Variants in GRIN2A observed in about 807,000 individuals in gnomAD.
The protein encoded by GRIN2A is glutamate ionotropic receptor NMDA type subunit 2A.
A neutral mutation model predicts 113.4 loss-of-function variants in GRIN2A; 22 were observed. The observed-to-expected ratio is 0.19, with a 90% CI of 0.14 to 0.28. GRIN2A has a LOEUF of 0.28. Ranked by LOEUF, GRIN2A falls within the 10% of genes least tolerant of loss-of-function variation. The pLI, the probability that GRIN2A is intolerant of heterozygous loss-of-function variation, is 1.00. For missense variants in GRIN2A, 1,502 were observed against 1,887.0 expected (o/e 0.80, Z 3.78); for synonymous variants, 827 against 738.4 (o/e 1.12, Z -1.94).
At chr16:9,848,005 A>G (rs972436589) in intron 5 of GRIN2A, among the ~76,000 whole-genome samples, 1 of 146,356 alleles carries the variant, frequency 6.8e-6, no homozygotes, top group Non-Finnish European at 1.5e-5. Context: ...ATAAAAATAT[A>G]TTGGTTTCTA....
intron 10 of GRIN2A, among the ~76,000 whole-genome samples, chr16:9,804,578 G>A (rs1397608414): frequency 6.6e-6 from 1 of 152,056 alleles, no homozygotes; most frequent in African/African-American, 2.4e-5. Flanking sequence ...TGCCTGTGAT[G>A]AGGACAGAGA....
chr16:10,181,065 A>G (rs1567355541), intron 1 of GRIN2A, among the ~76,000 whole-genome samples: 1 of 148,364 alleles, frequency 6.7e-6, no homozygotes, highest in Non-Finnish European at 1.5e-5. Flanking sequence ...GTACACCCCA[A>G]GTGCTTGGGA....
intron 2 of GRIN2A, among the ~76,000 whole-genome samples, chr16:10,074,935 T>C (rs181147851): frequency 4.1e-4 from 63 of 152,332 alleles, no homozygotes; most frequent in African/African-American, 1.3e-3. Flanking sequence ...TTGACCAATT[T>C]CTCCTTGCTG....
chr16:9,976,119 T>G (rs2045769191), intron 2 of GRIN2A, among the ~76,000 whole-genome samples: 1 of 152,224 alleles, frequency 6.6e-6, no homozygotes, highest in Non-Finnish European at 1.5e-5. Flanking sequence ...CTTTTTAAAA[T>G]GTAATTAAGC....
At chr16:10,021,953 C>A (rs2046733301) in intron 2 of GRIN2A, among the ~76,000 whole-genome samples, 1 of 152,142 alleles carries the variant, frequency 6.6e-6, no homozygotes, top group Non-Finnish European at 1.5e-5. Flanking sequence ...CCTCTCTGAG[C>A]CTCAGTTTTC....
At chr16:9,956,241 T>A (rs928947869) in intron 2 of GRIN2A, among the ~76,000 whole-genome samples, 1 of 152,226 alleles carries the variant, frequency 6.6e-6, no homozygotes, top group Non-Finnish European at 1.5e-5. Flanking sequence ...TTTGTTTCTG[T>A]TATTTTCATG....
intron 7 of GRIN2A, 63 bp downstream of exon 7, chr16:9,840,584 G>A (rs2042655988): frequency 4.0e-6 from 6 of 1,487,904 alleles, no homozygotes; most frequent in Non-Finnish European, 4.7e-6. Context: ...CCCATCCTCT[G>A]AGCAAACAAG....
chr16:9,960,434 G>C (rs983382116), intron 2 of GRIN2A, among the ~76,000 whole-genome samples: 3 of 152,074 alleles, frequency 2.0e-5, no homozygotes, highest in Admixed American at 6.6e-5. Flanking sequence ...ACATTTTCTT[G>C]CTTCTGCTTT....
intron 2 of GRIN2A, among the ~76,000 whole-genome samples, chr16:10,050,217 C>A (rs2047334037): frequency 6.6e-6 from 1 of 152,094 alleles, no homozygotes; most frequent in African/African-American, 2.4e-5. Context: ...ACACTTCTAG[C>A]CTTGAAGATG....
At chr16:9,920,434 A>G (rs1284054224) in intron 3 of GRIN2A, among the ~76,000 whole-genome samples, 1 of 152,218 alleles carries the variant, frequency 6.6e-6, no homozygotes, top group Admixed American at 6.5e-5. Flanking sequence ...AAGATTTATT[A>G]AAGTCAAGAT....
At chr16:9,811,432 T>C (rs1324795523) in intron 10 of GRIN2A, among the ~76,000 whole-genome samples, 1 of 152,188 alleles carries the variant, frequency 6.6e-6, no homozygotes, top group Non-Finnish European at 1.5e-5. Flanking sequence ...TGAGGTCACA[T>C]GTTTGAAGTT....
chr16:9,808,077 T>A, intron 10 of GRIN2A, among the ~76,000 whole-genome samples: 1 of 152,240 alleles, frequency 6.6e-6, no homozygotes, highest in Admixed American at 6.5e-5. Context: ...AGGTCAGACC[T>A]AACCATTCTG....
At chr16:10,141,413 G>A (rs1484592024) in intron 2 of GRIN2A, among the ~76,000 whole-genome samples, 3 of 152,102 alleles carry the variant, frequency 2.0e-5, no homozygotes, top group South Asian at 2.1e-4. Flanking sequence ...GCTTGAGCCC[G>A]GGAGGCAGAG....
intron 4 of GRIN2A, among the ~76,000 whole-genome samples, chr16:9,867,053 C>G (rs919885855): frequency 1.3e-5 from 2 of 152,118 alleles, no homozygotes; most frequent in Admixed American, 1.3e-4. Flanking sequence ...CCGATTCCAA[C>G]TTAGACCTCT....
chr16:9,925,571 C>T (rs926276092), intron 3 of GRIN2A, among the ~76,000 whole-genome samples: 1 of 152,194 alleles, frequency 6.6e-6, no homozygotes, highest in African/African-American at 2.4e-5. Flanking sequence ...ACACTTGAAT[C>T]CCCTATCCTT....
chr16:10,001,663 C>A (rs1430654707), intron 2 of GRIN2A, among the ~76,000 whole-genome samples: 1 of 152,148 alleles, frequency 6.6e-6, no homozygotes, highest in Non-Finnish European at 1.5e-5. Context: ...AACTATGATT[C>A]ATGCTAATCA....
intron 11 of GRIN2A, 36 bp from the exon 12 acceptor site, chr16:9,769,125 C>T: frequency 6.7e-7 from 1 of 1,500,610 alleles, no homozygotes. Flanking sequence ...CAGTGAGGAC[C>T]AGAACATGCA....
At chr16:10,177,113 C>T (rs1002312156) in intron 2 of GRIN2A, among the ~76,000 whole-genome samples, 4 of 152,134 alleles carry the variant, frequency 2.6e-5, no homozygotes, top group African/African-American at 9.7e-5. Flanking sequence ...AACAATGCAC[C>T]GTGACTGTTT....
At chr16:9,779,306 T>C (rs768298185) in intron 11 of GRIN2A, among the ~76,000 whole-genome samples, 4 of 152,214 alleles carry the variant, frequency 2.6e-5, no homozygotes, top group Non-Finnish European at 5.9e-5. Context: ...TGCCAAGAAA[T>C]AGCTCCTCTT....
Sources: gnomAD v4.1 joint callset for allele counts (sites outside exome capture counted in the v4.1 genomes callset) on GRCh38, gnomAD v4.1.1 for gene constraint, MANE v1.5 for transcripts, NCBI Gene and HGNC (gene_info 2026-07-23, HGNC 2026-07-21) for gene names.